Variants in THAP12 observed in about 807,000 individuals in gnomAD.
THAP12 encodes the protein THAP domain containing 12.
A neutral mutation model predicts 63.0 loss-of-function variants in THAP12; 20 were observed. That is an observed-to-expected ratio of 0.32 (90% CI 0.22 to 0.46). The LOEUF (loss-of-function observed/expected upper bound fraction) is 0.46, where lower values mean the gene tolerates loss of function less well. Ranked by LOEUF, THAP12 falls within the 20% of genes least tolerant of loss-of-function variation. The probability of loss-of-function intolerance (pLI) is 1.00; values close to 1 mark genes in which losing one functional copy is unlikely to be tolerated. For missense variants in THAP12, 568 were observed against 908.2 expected, an observed-to-expected ratio of 0.63 and a Z score of 4.81; for synonymous variants, 264 against 328.4, an observed-to-expected ratio of 0.80 and a Z score of 2.12.
intron 2 of THAP12, among the ~76,000 whole-genome samples, chr11:76,363,190 T>G (rs993488943): frequency 1.3e-5 from 2 of 152,148 alleles, no homozygotes; most frequent in East Asian, 3.9e-4. Context: ...TAAGGACACA[T>G]GCCAAAAAAG....
At chr11:76,357,800 G>A (rs1465224185) in intron 3 of THAP12, 1 of 152,092 alleles carries the variant, frequency 6.6e-6, no homozygotes, top group African/African-American at 2.4e-5. Flanking sequence ...CCTACAGCCA[G>A]ACATGACAAC....
At chr11:76,356,708 A>G (rs1487950691) in intron 3 of THAP12, 1 of 152,218 alleles carries the variant, frequency 6.6e-6, no homozygotes, top group Non-Finnish European at 1.5e-5. Flanking sequence ...ACAAACACAT[A>G]AATGTATTAA....
At chr11:76,365,729 T>A (rs1946626748) in intron 2 of THAP12, 123 bp downstream of exon 2, 1 of 1,254,928 alleles carries the variant, frequency 8.0e-7, no homozygotes, top group Non-Finnish European at 1.1e-6. Context: ...TCTGTCTTCA[T>A]CTTAAAGTGG....
At chr11:76,367,081 CTTT>C (rs544146351) in intron 1 of THAP12, among the ~76,000 whole-genome samples, 1 of 145,526 alleles carries the variant, frequency 6.9e-6, no homozygotes, top group Non-Finnish European at 1.5e-5. Flanking sequence ...CTTTTCTTTT[CTTT>C]TTTTTTTTTG....
intron 1 of THAP12, 74 bp from the exon 2 acceptor site, chr11:76,366,046 A>C: frequency 6.7e-7 from 1 of 1,494,218 alleles, no homozygotes; most frequent in Non-Finnish European, 9.1e-7. Flanking sequence ...TTTAAGGCAA[A>C]CATACATTAA....
chr11:76,363,998 T>C (rs1565233532), intron 2 of THAP12, among the ~76,000 whole-genome samples: 1 of 152,232 alleles, frequency 6.6e-6, no homozygotes, highest in Admixed American at 6.5e-5. Context: ...TGAAGAATCA[T>C]TTAGAAATTA....
intron 1 of THAP12, among the ~76,000 whole-genome samples, chr11:76,376,409 G>A (rs1946710665): frequency 6.6e-6 from 1 of 152,106 alleles, no homozygotes; most frequent in South Asian, 2.1e-4. Flanking sequence ...GACCTCCAAG[G>A]CCTCAATTAC....
chr11:76,369,295 T>C (rs928090993), intron 1 of THAP12, among the ~76,000 whole-genome samples: 1 of 152,188 alleles, frequency 6.6e-6, no homozygotes, highest in Non-Finnish European at 1.5e-5. Flanking sequence ...ATGGATAAAT[T>C]GTGGTATATT....
intron 1 of THAP12, among the ~76,000 whole-genome samples, 161 bp downstream of exon 1, chr11:76,380,587 G>C (rs1400305771): frequency 6.6e-6 from 1 of 151,350 alleles, no homozygotes; most frequent in Admixed American, 6.6e-5. Context: ...ACGGCTCGGG[G>C]CCGGCTCCCC....
Position 76,360,941 on chromosome 11 carries a change from A to C in THAP12, c.318+15T>G, listed in dbSNP as rs371964306. ...TATGGGGGAAGGTGGGAAAGCTGAAAGTACATAGACATACCAGTTCTTTTA... is the reference window on the plus strand; with the variant it reads ...TATGGGGGAAGGTGGGAAAGCTGAACGTACATAGACATACCAGTTCTTTTA... On this transcript the variant is annotated intron_variant, in intron 3 of 4. Transcript: ENST00000260045. The C allele has an allele frequency of 3.3e-6, 5 of 1,534,902 alleles. No individual in the cohort carries two copies. In the African/African-American group the frequency reaches 6.8e-5, roughly 21 times the overall value.
chr11:76,366,276 A>G (rs3824908), intron 1 of THAP12, among the ~76,000 whole-genome samples: 8 of 152,060 alleles, frequency 5.3e-5, no homozygotes, highest in African/African-American at 9.7e-5. Context: ...AGAAGATTCA[A>G]CCATCAGCAG....
chr11:76,353,519 T>C (rs1428455620), intron 4 of THAP12, among the ~76,000 whole-genome samples: 1 of 152,168 alleles, frequency 6.6e-6, no homozygotes, highest in Non-Finnish European at 1.5e-5. Context: ...TACAAACCAG[T>C]ATAATATAAA....
At chr11:76,358,269 GTA>G (rs1946574522) in intron 3 of THAP12, 1 of 150,554 alleles carries the variant, frequency 6.6e-6, no homozygotes, top group Non-Finnish European at 1.5e-5. Context: ...GGTAATAAGA[GTA>G]CATGAAAAGA....
chr11:76,364,513 T>C (rs1946618720), intron 2 of THAP12: 3 of 314,238 alleles, frequency 9.5e-6, no homozygotes, highest in South Asian at 7.3e-5. Flanking sequence ...TCCCAATATC[T>C]GAGGTGTTAC....
chr11:76,352,778 C>T lies in THAP12; in HGVS notation c.372G>A (p.Glu124=), dbSNP rs544501726. The change falls in exon 5 of 5, where the codon GAG becomes GAA. Residue 124 remains glutamate, a synonymous_variant. Coordinates refer to ENST00000260045, the MANE Select transcript of THAP12 (RefSeq NM_004705.4). ...TGGTTTCTTTATGTTTTTGTTCCTG[C>T]TCAGAAGTTTCATCAACTGGAAAAC... is the stretch of plus-strand genomic sequence containing the variant. ...LKQKKIDETS[E]QEQKHKETNN... 3 of 1,515,650 alleles carry T rather than the reference C, an allele frequency of 2.0e-6. No individual in the cohort carries two copies. Among genetic ancestry groups the T allele is most frequent in the Admixed American group, 2.4e-5 (1 of 42,300 alleles). The allele number at this position is 1,515,650 out of a possible 1,614,324, so 93.9% of individuals were successfully genotyped here. A position where few individuals can be genotyped will look rare whatever the true frequency, so the allele number is the denominator to read the frequency against.
At position 76,351,884 on chromosome 11, in the gene THAP12, G is replaced by C. The variant is rs758348364; in HGVS notation, c.1266C>G (p.Ile422Met). ...GCCTGCCTGTCCACTGAGAATGGCA[G>C]ATTTCCTTCAGTTCTTTACCCCTTT... ...SKERGKELKE[I>M]CHSQWTGRHD... Residue 422 changes from isoleucine (I) to methionine (M), a missense_variant, in exon 5 of 5, where the codon ATC becomes ATG. Physicochemically the swap from Ile to Met is conservative, Grantham distance 10. Transcript: ENST00000260045. The C allele has an allele frequency of 6.3e-7, 1 of 1,599,382 alleles. No individual in the cohort carries two copies. Among genetic ancestry groups the C allele is most frequent in the South Asian group, 1.1e-5 (1 of 88,600 alleles).
chr11:76,357,775 A>G (rs1174326229), intron 3 of THAP12: 1 of 152,204 alleles, frequency 6.6e-6, no homozygotes, highest in Non-Finnish European at 1.5e-5. Flanking sequence ...AACAAAATAG[A>G]GAAATTACAA....
chr11:76,362,284 C>T (rs565774554), intron 2 of THAP12, among the ~76,000 whole-genome samples: 4 of 152,178 alleles, frequency 2.6e-5, no homozygotes, highest in Non-Finnish European at 5.9e-5. Context: ...TCTAAGCATG[C>T]TCAAAGAACA....
chr11:76,354,851 C>T (rs1946549355), intron 4 of THAP12, among the ~76,000 whole-genome samples: 3 of 152,322 alleles, frequency 2.0e-5, no homozygotes, highest in South Asian at 4.1e-4. Context: ...TTTAACAACA[C>T]TAAAATGAGT....
Sources: gnomAD v4.1 joint callset for allele counts (sites outside exome capture counted in the v4.1 genomes callset) on GRCh38, gnomAD v4.1.1 for gene constraint, MANE v1.5 for transcripts, NCBI Gene and HGNC (gene_info 2026-07-23, HGNC 2026-07-21) for gene names.